The following UMAD1 variants were observed in gnomAD, a reference collection of about 807,000 sequenced individuals.
UMAD1 encodes UBAP1-MVB12-associated (UMA) domain containing 1.
A neutral mutation model predicts 6.1 loss-of-function variants in UMAD1; 8 were observed. That is an observed-to-expected ratio of 1.30 (90% confidence interval 0.76 to 2.35). The LOEUF (loss-of-function observed/expected upper bound fraction) is 2.35. UMAD1 is among the 30% of genes most tolerant of loss of function. The pLI is 0.00. For missense variants in UMAD1, 130 were observed against 78.4 expected, an observed-to-expected ratio of 1.66 and a Z score of -2.49; for synonymous variants, 56 against 31.4, an observed-to-expected ratio of 1.78 and a Z score of -2.61.
chr7:7,753,063 A>C (rs1781707838), intron 2 of UMAD1, among the ~76,000 whole-genome samples: 1 of 152,166 alleles, frequency 6.6e-6, no homozygotes, highest in African/African-American at 2.4e-5. Flanking sequence ...TCTCATTTGT[A>C]AGCCCAAAAA....
At chr7:7,844,874 AGTT>A (rs1400120781) in intron 3 of UMAD1, among the ~76,000 whole-genome samples, 1 of 152,178 alleles carries the variant, frequency 6.6e-6, no homozygotes, top group Admixed American at 6.5e-5. Context: ...AAAGATTTTT[AGTT>A]TGCATTAAGA....
intron 2 of UMAD1, among the ~76,000 whole-genome samples, chr7:7,757,301 T>C (rs1438472633): frequency 6.6e-6 from 1 of 152,238 alleles, no homozygotes; most frequent in Admixed American, 6.5e-5. Flanking sequence ...TTATTCCAGA[T>C]GGCTTTCCTT....
intron 2 of UMAD1, among the ~76,000 whole-genome samples, chr7:7,754,922 A>T (rs1480995512): frequency 6.6e-6 from 1 of 152,200 alleles, no homozygotes; most frequent in Non-Finnish European, 1.5e-5. Context: ...AGCAACTTAC[A>T]GATTTATTTC....
chr7:7,675,342 T>C (rs1779712579), intron 2 of UMAD1, among the ~76,000 whole-genome samples: 2 of 152,320 alleles, frequency 1.3e-5, no homozygotes, highest in South Asian at 4.1e-4. Flanking sequence ...CTTTGTAGGA[T>C]TTCTGAGACA....
At chr7:7,697,813 T>C (rs1330552747) in intron 2 of UMAD1, among the ~76,000 whole-genome samples, 1 of 152,194 alleles carries the variant, frequency 6.6e-6, no homozygotes, top group East Asian at 1.9e-4. Context: ...TACTCTTGGG[T>C]ATCCATCTTC....
chr7:7,732,263 T>C (rs1781274371), intron 2 of UMAD1, among the ~76,000 whole-genome samples: 1 of 152,116 alleles, frequency 6.6e-6, no homozygotes, highest in Non-Finnish European at 1.5e-5. Context: ...GTGTTTTTTC[T>C]TGAAATTTAC....
chr7:7,848,565 A>G (rs376277550), intron 3 of UMAD1, among the ~76,000 whole-genome samples: 5 of 152,186 alleles, frequency 3.3e-5, no homozygotes, highest in African/African-American at 7.2e-5. Context: ...GGATATGCCA[A>G]ATCAAGCTTA....
intron 3 of UMAD1, among the ~76,000 whole-genome samples, chr7:7,867,519 T>G (rs894068029): frequency 7.9e-5 from 12 of 152,148 alleles, no homozygotes; most frequent in Non-Finnish European, 1.3e-4. Flanking sequence ...AACTAAAAAT[T>G]CAGAGTCAGT....
At chr7:7,867,549 T>C (rs1784256818) in intron 3 of UMAD1, among the ~76,000 whole-genome samples, 1 of 152,072 alleles carries the variant, frequency 6.6e-6, no homozygotes, top group South Asian at 2.1e-4. Flanking sequence ...TGCTACAAAG[T>C]GGTCATTTCA....
intron 3 of UMAD1, among the ~76,000 whole-genome samples, chr7:7,869,780 G>T (rs1448498695): frequency 6.6e-6 from 1 of 152,164 alleles, no homozygotes; most frequent in Non-Finnish European, 1.5e-5. Context: ...CTGGAATTTT[G>T]TGCCAGGAAA....
intron 2 of UMAD1, among the ~76,000 whole-genome samples, chr7:7,748,350 T>C (rs1217617033): frequency 6.6e-6 from 1 of 152,182 alleles, no homozygotes; most frequent in African/African-American, 2.4e-5. Context: ...CAAATTATAT[T>C]CCATAAATTA....
chr7:7,682,148 G>T (rs1159875216), intron 2 of UMAD1, among the ~76,000 whole-genome samples: 1 of 152,140 alleles, frequency 6.6e-6, no homozygotes, highest in Non-Finnish European at 1.5e-5. Context: ...GAATATGCAG[G>T]TGCTTCTTCA....
chr7:7,661,318 C>A (rs1475589443), intron 1 of UMAD1, among the ~76,000 whole-genome samples: 1 of 152,134 alleles, frequency 6.6e-6, no homozygotes, highest in Admixed American at 6.5e-5. Flanking sequence ...CTCCTTCTTT[C>A]AATTTGTCAA....
At chr7:7,761,363 T>TAAAAAAAAA (rs375910269) in intron 2 of UMAD1, among the ~76,000 whole-genome samples, 4 of 121,152 alleles carry the variant, frequency 3.3e-5, no homozygotes, top group South Asian at 2.6e-4. Flanking sequence ...GAGACCTAAC[T>TAAAAAAAAA]AAAAAAAAAA....
At chr7:7,706,484 T>C (rs189689406) in intron 2 of UMAD1, among the ~76,000 whole-genome samples, 1 of 152,286 alleles carries the variant, frequency 6.6e-6, no homozygotes, top group East Asian at 1.9e-4. Flanking sequence ...TAACAATATA[T>C]GTAATATTTC....
At chr7:7,831,030 GATA>G (rs1353042807) in intron 3 of UMAD1, among the ~76,000 whole-genome samples, 2 of 152,016 alleles carry the variant, frequency 1.3e-5, no homozygotes, top group African/African-American at 4.8e-5. Context: ...TCTTAAAGAA[GATA>G]ATATTACAAC....
intron 3 of UMAD1, among the ~76,000 whole-genome samples, chr7:7,875,977 C>T (rs973583377): frequency 1.1e-4 from 16 of 152,148 alleles, no homozygotes; most frequent in African/African-American, 3.9e-4. Flanking sequence ...ACTTGGGAGG[C>T]TGAGACAGGG....
intron 2 of UMAD1, among the ~76,000 whole-genome samples, chr7:7,673,707 C>T (rs879635087): frequency 0.058 from 8,479 of 147,122 alleles, 312 homozygotes; most frequent in Middle Eastern, 0.14. Context: ...TTCTTTTTCC[C>T]CCCCTTTTTT....
intron 1 of UMAD1, among the ~76,000 whole-genome samples, chr7:7,665,296 A>G (rs1779414091): frequency 6.6e-6 from 1 of 152,214 alleles, no homozygotes; most frequent in Non-Finnish European, 1.5e-5. Context: ...CCTGCTAAGC[A>G]ATTAGGCAGG....
Sources: gnomAD v4.1 joint callset for allele counts (sites outside exome capture counted in the v4.1 genomes callset) on GRCh38, gnomAD v4.1.1 for gene constraint, MANE v1.5 for transcripts, NCBI Gene and HGNC (gene_info 2026-07-23, HGNC 2026-07-21) for gene names.